The following RGPD2 variants were observed in gnomAD, a reference collection of about 807,000 sequenced individuals.
RGPD2 encodes the protein RANBP2-like and GRIP domain-containing protein 2.
In RGPD2, 2 loss-of-function variants were observed where a neutral mutation model predicts 36.0. The observed-to-expected ratio is 0.06, with a 90% CI of 0.02 to 0.17. The LOEUF (loss-of-function observed/expected upper bound fraction) is 0.17, where lower values mean the gene tolerates loss of function less well. Among genes scored for constraint, RGPD2 ranks in the 10% least tolerant of loss-of-function variants. The probability of loss-of-function intolerance (pLI) is 1.00; values close to 1 mark genes in which losing one functional copy is unlikely to be tolerated. For synonymous variants in RGPD2, 19 were observed against 163.8 expected, an observed-to-expected ratio of 0.12 and a Z score of 6.75; for missense variants, 40 against 464.3, an observed-to-expected ratio of 0.09 and a Z score of 8.40.
At chr2:87,936,174 T>C in the RGPD2 span, among the ~76,000 whole-genome samples, 10,347 of 149,046 alleles carry the variant, frequency 0.069, 572 homozygotes, top group African/African-American at 0.16. Context: ...ATGGAAGGCA[T>C]AATCATTGGA....
chr2:87,830,236 A>T (rs1200525573), upstream of RGPD2, among the ~76,000 whole-genome samples: 1 of 152,270 alleles, frequency 6.6e-6, no homozygotes, highest in East Asian at 1.9e-4. Context: ...TTTGCAGGGT[A>T]CAGGCTCTCT....
chr2:87,846,330 A>T, the RGPD2 span, among the ~76,000 whole-genome samples: 3 of 152,092 alleles, frequency 2.0e-5, no homozygotes, highest in Non-Finnish European at 4.4e-5. Context: ...CATTATTTCA[A>T]TGCTTGCATA....
chr2:87,857,797 A>T, the RGPD2 span, among the ~76,000 whole-genome samples: 1 of 148,990 alleles, frequency 6.7e-6, no homozygotes, highest in Non-Finnish European at 1.5e-5. Flanking sequence ...AAAAAAAAAA[A>T]TTAGCATGTT....
chr2:87,817,923 T>G (rs1574024102), intron 2 of RGPD2, among the ~76,000 whole-genome samples: 1 of 68,044 alleles, frequency 1.5e-5, no homozygotes, highest in African/African-American at 5.1e-5. Flanking sequence ...GGCGCTGAGG[T>G]GGGAAGATCT....
At chr2:87,988,866 C>T in the RGPD2 span, among the ~76,000 whole-genome samples, 3 of 151,920 alleles carry the variant, frequency 2.0e-5, no homozygotes, top group East Asian at 1.9e-4. Context: ...TATTATACTG[C>T]ACAATATTCC....
At chr2:87,805,820 A>G (rs1398669725) in intron 7 of RGPD2, among the ~76,000 whole-genome samples, 1 of 151,486 alleles carries the variant, frequency 6.6e-6, no homozygotes, top group African/African-American at 2.4e-5. Context: ...AGATCGTGCC[A>G]CTGCACTCCA....
At chr2:87,861,142 T>TTA in the RGPD2 span, among the ~76,000 whole-genome samples, 1 of 151,434 alleles carries the variant, frequency 6.6e-6, no homozygotes, top group Admixed American at 6.6e-5. Flanking sequence ...GTGTTTTTTT[T>TTA]TTTTTTTTCA....
chr2:87,986,198 C>T, the RGPD2 span, among the ~76,000 whole-genome samples: 141 of 144,816 alleles, frequency 9.7e-4, 1 homozygote, highest in African/African-American at 3.5e-3. Flanking sequence ...TGCTGTGGTG[C>T]GGTCTTGGCA....
At chr2:87,853,990 G>A in the RGPD2 span, among the ~76,000 whole-genome samples, 6 of 152,132 alleles carry the variant, frequency 3.9e-5, no homozygotes. Flanking sequence ...TGCATTGGAG[G>A]ATTGGTGAAT....
the RGPD2 span, among the ~76,000 whole-genome samples, chr2:87,896,963 T>G: frequency 3.9e-5 from 6 of 152,116 alleles, no homozygotes; most frequent in African/African-American, 1.4e-4. Context: ...AAGAGTTATA[T>G]TTACAAACAA....
At chr2:87,852,514 A>C in the RGPD2 span, among the ~76,000 whole-genome samples, 1 of 152,252 alleles carries the variant, frequency 6.6e-6, no homozygotes, top group Non-Finnish European at 1.5e-5. Context: ...GACTACCCTC[A>C]AAACCCTCCA....
At chr2:87,951,991 C>T in the RGPD2 span, among the ~76,000 whole-genome samples, 5 of 152,006 alleles carry the variant, frequency 3.3e-5, no homozygotes, top group Admixed American at 6.5e-5. Context: ...AGCTAATTGC[C>T]TACCCACTTG....
At chr2:87,910,953 A>C in the RGPD2 span, among the ~76,000 whole-genome samples, 1 of 151,956 alleles carries the variant, frequency 6.6e-6, no homozygotes, top group South Asian at 2.1e-4. Flanking sequence ...TCAAGTTAGC[A>C]CTTGTTCTGG....
the RGPD2 span, among the ~76,000 whole-genome samples, chr2:87,845,791 T>A: frequency 5.3e-5 from 8 of 151,614 alleles, no homozygotes; most frequent in East Asian, 1.9e-4. Context: ...TTACCTTTTT[T>A]AATATTTTCC....
chr2:87,972,763 C>A, the RGPD2 span: 6 of 1,611,528 alleles, frequency 3.7e-6, no homozygotes. Flanking sequence ...ACCAGCCCTA[C>A]CTCTGTGAGA....
At chr2:87,988,764 C>T in the RGPD2 span, among the ~76,000 whole-genome samples, 1 of 151,756 alleles carries the variant, frequency 6.6e-6, no homozygotes, top group Non-Finnish European at 1.5e-5. Context: ...TGGTCTCGAA[C>T]TACCGACCTC....
chr2:87,939,915 C>T, the RGPD2 span, among the ~76,000 whole-genome samples: 5 of 152,150 alleles, frequency 3.3e-5, 1 homozygote, highest in Admixed American at 3.3e-4. Context: ...AACTGAAAAG[C>T]CCACCTACTT....
the RGPD2 span, among the ~76,000 whole-genome samples, chr2:87,915,380 A>T: frequency 2.4e-5 from 3 of 123,308 alleles, no homozygotes; most frequent in African/African-American, 9.0e-5. Context: ...TATATTATAT[A>T]TATTGTATAT....
At chr2:87,763,291 G>A (rs944215960) in intron 22 of RGPD2, among the ~76,000 whole-genome samples, 1 of 149,150 alleles carries the variant, frequency 6.7e-6, no homozygotes, top group African/African-American at 2.5e-5. Flanking sequence ...CCTAGTAGCT[G>A]GGACTACAGG....
Sources: allele counts gnomAD v4.1 joint callset (sites outside exome capture counted in the v4.1 genomes callset), GRCh38; gene constraint gnomAD v4.1.1; transcripts MANE v1.5; gene names NCBI Gene and HGNC (gene_info 2026-07-23, HGNC 2026-07-21).